Variants in BRPF1 observed in about 807,000 individuals in gnomAD.
The protein encoded by BRPF1 is bromodomain and PHD finger containing 1.
In BRPF1, 15 loss-of-function variants were observed where a neutral mutation model predicts 115.0. The observed-to-expected ratio is 0.13, with a 90% CI of 0.09 to 0.20. BRPF1 has a LOEUF of 0.20. Ranked by LOEUF, BRPF1 falls within the 10% of genes least tolerant of loss-of-function variation. BRPF1 has a pLI of 1.00. For missense variants in BRPF1, 1,118 were observed against 1,638.3 expected, an observed-to-expected ratio of 0.68 and a Z score of 5.48; for synonymous variants, 647 against 619.8, an observed-to-expected ratio of 1.04 and a Z score of -0.65.
chr3:9,745,663 G>A lies in BRPF1; in HGVS notation c.3159G>A (p.Glu1053=), dbSNP rs1271675931. 1.2e-6 allele frequency: 2 copies of A among 1,614,156 alleles called. No individual in the cohort carries two copies. The highest frequency in any genetic ancestry group is 1.7e-6 in the Non-Finnish European group (2 of 1,180,058). ...GCAGTGAGGATACCTCAGGCACTGA[G>A]AATGAGGCCTACTCCGTGGGCACTG... ...EDSSEDTSGT[E]NEAYSVGTGR... Residue 1053 remains glutamate (E), a synonymous_variant, in exon 11 of 14, where the codon GAG becomes GAA. Coordinates refer to ENST00000383829, the MANE Select transcript of BRPF1 (RefSeq NM_001003694.2). The surrounding 1 kb of genome is among the most constrained non-coding windows in gnomAD (Gnocchi z 5.1).
intron 2 of BRPF1, among the ~76,000 whole-genome samples, chr3:9,738,711 T>TAGG (rs1447869544): frequency 6.6e-6 from 1 of 152,226 alleles, no homozygotes; most frequent in Admixed American, 6.5e-5. Context: ...ATATAGCAGC[T>TAGG]AGGACATGAG....
chr3:9,739,859 A>G lies in BRPF1; in HGVS notation c.1460A>G (p.Lys487Arg). Reference sequence around the variant, plus strand: ...AGCTCAGAGAAAGTCAAGAAGGCCAAGGCCAAGTCCCGGATCAAAATGAAG... The same window carrying G: ...AGCTCAGAGAAAGTCAAGAAGGCCAGGGCCAAGTCCCGGATCAAAATGAAG... The part of the protein sequence containing the change: ...GWSSEKVKKA[K>R]AKSRIKMKKA... The change falls in exon 3 of 14, where the codon AAG becomes AGG. Residue 487 changes from lysine to arginine, a missense_variant. By Grantham distance (26) the Lys-to-Arg change is conservative. Coordinates refer to ENST00000383829, the MANE Select transcript of BRPF1 (RefSeq NM_001003694.2). 6.3e-7 allele frequency: 1 copy of G among 1,588,918 alleles called. No homozygotes were observed. The highest frequency in any genetic ancestry group is 8.6e-7 in the Non-Finnish European group (1 of 1,167,590).
At chr3:9,733,764 G>T (rs1179552139) in intron 1 of BRPF1, among the ~76,000 whole-genome samples, 1 of 152,254 alleles carries the variant, frequency 6.6e-6, no homozygotes, top group Non-Finnish European at 1.5e-5. Context: ...GCCAGTCAGT[G>T]AAAGGAGCTC....
intron 6 of BRPF1, chr3:9,742,665 C>T (rs924033212): frequency 3.4e-6 from 2 of 585,698 alleles, no homozygotes; most frequent in African/African-American, 2.0e-5. Flanking sequence ...TTACTAAAGC[C>T]TCATATAGTC....
rs944147651 is a variant in BRPF1 at position 9,742,005 on chromosome 3, C to G, written c.1855-20C>G. On this transcript the variant is annotated intron_variant, in intron 5 of 13. Coordinates refer to ENST00000383829, the MANE Select transcript of BRPF1 (RefSeq NM_001003694.2). ...CTGAACTGGCCGAGGCCTGGCTGAT[C>G]AGGCCTTTTTCTATGTTAGATCAAG... is the stretch of plus-strand genomic sequence containing the variant. 4 of 1,613,624 alleles carry G rather than the reference C, an allele frequency of 2.5e-6. No homozygotes were observed. Among genetic ancestry groups the G allele is most frequent in the African/African-American group, 2.7e-5 (2 of 75,026 alleles).
In BRPF1 at chr3:9,743,792, G is replaced by T. The variant is rs1440713155; in HGVS notation, c.2526G>T (p.Arg842=). ...QRETGRDGPE[R]HGPSSRGSLT... ...AGACGGGACGTGATGGCCCTGAGCG[G>T]CATGGCCCCTCGAGCCGGGGTAGTC... The change falls in exon 8 of 14, where the codon CGG becomes CGT. Residue 842 remains arginine (R), a synonymous_variant. Transcript: ENST00000383829. This position sits in a 1 kb window ranked among gnomAD's most constrained non-coding sequence, Gnocchi z 6.1. The T allele has an allele frequency of 6.2e-7, 1 of 1,613,486 alleles. No individual in the cohort carries two copies. The highest frequency in any genetic ancestry group is 1.1e-5 in the South Asian group (1 of 91,064).
In BRPF1 at chr3:9,744,315, A is replaced by G; in HGVS notation, c.2727A>G (p.Gly909=). 1 of 1,613,136 alleles carries G rather than the reference A, an allele frequency of 6.2e-7. No homozygotes were observed. Residue 909 remains glycine, a synonymous_variant, in exon 9 of 14, where the codon GGA becomes GGG. Transcript: ENST00000383829. ...LFSKKNPKTA[G]PPKRPGRPPK... Reference sequence around the variant, plus strand: ...CCAAAAAGAACCCGAAGACAGCTGGACCGCCCAAGAGGCCGGGCCGGCCCC... The same window carrying G: ...CCAAAAAGAACCCGAAGACAGCTGGGCCGCCCAAGAGGCCGGGCCGGCCCC...
chr3:9,735,725 T>G (rs945295963), intron 2 of BRPF1, among the ~76,000 whole-genome samples: 39 of 152,194 alleles, frequency 2.6e-4, no homozygotes, highest in African/African-American at 9.4e-4. Flanking sequence ...AATTGTTTCT[T>G]TAACATGAGG....
Position 9,746,292 on chromosome 3 carries a change from A to G in BRPF1, c.3325-8A>G, listed in dbSNP as rs2125516119. 2 of 1,544,280 alleles carry G rather than the reference A, an allele frequency of 1.3e-6. No individual in the cohort carries two copies. Among genetic ancestry groups the G allele is most frequent in the South Asian group, 2.4e-5 (2 of 82,668 alleles). On this transcript the variant is annotated splice_region_variant and splice_polypyrimidine_tract_variant and intron_variant, in intron 12 of 13. Transcript: ENST00000383829. ...CTGAACCAAACTGGGCTCTTATTAT[A>G]TCCTCAGATCATTGATCCAAAGATG...
chr3:9,744,985 TC>T, intron 9 of BRPF1, 22 bp from the exon 10 acceptor site: 1 of 1,614,094 alleles, frequency 6.2e-7, no homozygotes, highest in Non-Finnish European at 8.5e-7. Context: ...GTTCCTTCCC[TC>T]CTCCCCTTCC....
At chr3:9,736,301 C>T (rs558278278) in intron 2 of BRPF1, among the ~76,000 whole-genome samples, 4 of 152,282 alleles carry the variant, frequency 2.6e-5, no homozygotes, top group African/African-American at 7.2e-5. Context: ...CCACCGCGCC[C>T]GGCCTAAATC....
At chr3:9,741,615 C>T (rs566735632) in intron 5 of BRPF1, among the ~76,000 whole-genome samples, 176 bp downstream of exon 5, 134 of 134,508 alleles carry the variant, frequency 1.0e-3, no homozygotes, top group Non-Finnish European at 1.8e-3. Context: ...CCAGCCTGGG[C>T]GACAGAGCGA....
Position 9,739,373 on chromosome 3 carries a change from C to T in BRPF1, c.974C>T (p.Ser325Phe), listed in dbSNP as rs1418716667. The T allele has an allele frequency of 6.2e-7, 1 of 1,614,216 alleles. No individual in the cohort carries two copies. The highest frequency in any genetic ancestry group is 8.5e-7 in the Non-Finnish European group (1 of 1,180,034). The change falls in exon 3 of 14, where the codon TCT becomes TTT. Residue 325 changes from serine to phenylalanine, a missense_variant. By Grantham distance (155) the Ser-to-Phe change is radical. This residue lies in a region of BRPF1 where 64 missense variants were observed against 172.8 expected (regional missense o/e 0.37). Coordinates refer to ENST00000383829, the MANE Select transcript of BRPF1 (RefSeq NM_001003694.2). ...TGCCGCCGTTGCCTGCAGTCACCCT[C>T]TCGTGCTGTGGATTGTGCCCTGTGC... ...WLCRRCLQSP[S>F]RAVDCALCPN...
intron 6 of BRPF1, 70 bp from the exon 7 acceptor site, chr3:9,742,871 GCTT>G: frequency 6.7e-7 from 1 of 1,499,990 alleles, no homozygotes; most frequent in Non-Finnish European, 9.1e-7. Flanking sequence ...TTTCAGGGGG[GCTT>G]GTTAGGAGCA....
At chr3:9,736,986 C>T (rs1200185001) in intron 2 of BRPF1, among the ~76,000 whole-genome samples, 2 of 152,120 alleles carry the variant, frequency 1.3e-5, no homozygotes, top group South Asian at 2.1e-4. Flanking sequence ...CATAATGTCA[C>T]GTGTGTCATG....
intron 13 of BRPF1, among the ~76,000 whole-genome samples, chr3:9,746,676 C>A (rs907617271): frequency 2.6e-5 from 4 of 152,076 alleles, no homozygotes; most frequent in African/African-American, 9.7e-5. Flanking sequence ...AACCAAAGGA[C>A]CATCAGAGAC....
Position 9,734,271 on chromosome 3 carries a change from A to G in BRPF1, c.131A>G (p.His44Arg). ...SYSGIEYHLYHYDHDNPPPPQ... is the reference protein window; with the variant it reads ...SYSGIEYHLYRYDHDNPPPPQ... ...AGTGGTATTGAGTACCACCTGTACC[A>G]CTATGACCACGACAACCCACCACCC... The change falls in exon 2 of 14, where the codon CAC becomes CGC. Residue 44 changes from histidine (H) to arginine (R), a missense_variant. His to Arg is a conservative substitution (Grantham distance 29). This residue lies in a region of BRPF1 where 280 missense variants were observed against 382.8 expected (regional missense o/e 0.73). Coordinates refer to ENST00000383829, the MANE Select transcript of BRPF1 (RefSeq NM_001003694.2). This position sits in a 1 kb window ranked among gnomAD's most constrained non-coding sequence, Gnocchi z 5.7. 1.9e-6 allele frequency: 3 copies of G among 1,614,156 alleles called. No homozygotes were observed. Among genetic ancestry groups the G allele is most frequent in the Non-Finnish European group, 2.5e-6 (3 of 1,180,028 alleles).
At chr3:9,732,246 C>T (rs574638924) in intron 1 of BRPF1, 108 bp downstream of exon 1, 1 of 152,548 alleles carries the variant, frequency 6.6e-6, no homozygotes, top group South Asian at 2.1e-4. Flanking sequence ...TCTGGCAACT[C>T]CAGTTGGGAG....
At position 9,747,643 on chromosome 3, in the gene BRPF1, C is replaced by T; in HGVS notation, c.*294C>T. ...GTGGTGGGCCAAAGTTAGGACACTG[C>T]GTAAAACAGGCCATCCCACCACCTC... On this transcript the variant is annotated 3_prime_UTR_variant, in exon 14 of 14. Coordinates refer to ENST00000383829, the MANE Select transcript of BRPF1 (RefSeq NM_001003694.2). This position sits in a 1 kb window ranked among gnomAD's most constrained non-coding sequence, Gnocchi z 5.6. 1 of 293,934 alleles carries T rather than the reference C, an allele frequency of 3.4e-6. No homozygotes were observed. The highest frequency in any genetic ancestry group is 6.5e-6 in the Non-Finnish European group (1 of 153,216). The allele number at this position is 293,934 out of a possible 1,614,324, so 18.2% of individuals were successfully genotyped here. A position where few individuals can be genotyped will look rare whatever the true frequency, so the allele number is the denominator to read the frequency against.
Sources: gnomAD v4.1 joint callset for allele counts (sites outside exome capture counted in the v4.1 genomes callset) on GRCh38, gnomAD v4.1.1 for gene constraint, gnomAD v4.1.1 regional missense constraint, Gnocchi (gnomAD v3.1) non-coding constraint, MANE v1.5 for transcripts, NCBI Gene and HGNC (gene_info 2026-07-23, HGNC 2026-07-21) for gene names.